Variants in USP19 observed in about 807,000 individuals in gnomAD.
USP19 encodes the protein ubiquitin carboxyl-terminal hydrolase 19.
Under a neutral mutation model 144.8 loss-of-function variants are expected in USP19, and 40 were observed. The ratio of observed to expected loss-of-function variants is 0.28; its 90% CI spans 0.21 to 0.36. The LOEUF is 0.36. USP19 is among the 10% of genes least tolerant of loss of function. USP19 has a pLI of 1.00. For missense variants in USP19, 1,518 were observed against 1,822.5 expected (o/e 0.83, Z 3.04); for synonymous variants, 701 against 709.3 (o/e 0.99, Z 0.19).
Position 49,116,080 on chromosome 3 carries a change from G to A in USP19, c.1438C>T (p.Arg480Cys), listed in dbSNP as rs1264099232. Reference protein sequence around the residue: ...DICLRKRQSQRWGGLEAPAAR... With the variant: ...DICLRKRQSQCWGGLEAPAAR... The stretch of plus-strand genomic sequence containing the variant: ...GCCGGGGCCTCCAGGCCCCCCCAGC[G>A]CTGACTCTGCCTCTTACGAAGGCAG... Residue 480 changes from arginine (R) to cysteine (C), a missense_variant, in exon 10 of 27, where the codon CGC becomes TGC. Transcript: ENST00000417901. This position sits in a 1 kb window ranked among gnomAD's most constrained non-coding sequence, Gnocchi z 5.0. The A allele has an allele frequency of 3.7e-6, 6 of 1,611,592 alleles. No homozygotes were observed. The highest frequency in any genetic ancestry group is 2.2e-5 in the East Asian group (1 of 44,884).
chr3:49,112,102 C>T lies in USP19; in HGVS notation c.2766-54G>A. 6.3e-7 allele frequency: 1 copy of T among 1,598,124 alleles called. No individual in the cohort carries two copies. Among genetic ancestry groups the T allele is most frequent in the Non-Finnish European group, 8.5e-7 (1 of 1,170,874 alleles). On this transcript the variant is annotated intron_variant, in intron 19 of 26. Transcript: ENST00000417901. This position sits in a 1 kb window ranked among gnomAD's most constrained non-coding sequence, Gnocchi z 4.9. ...CCCTTAGCCCCATCTCCTATGACTC[C>T]ATACTGGGGGCTAGTCATAGTCCCT... is the stretch of plus-strand genomic sequence containing the variant.
chr3:49,111,622 A>T lies in USP19; in HGVS notation c.3095T>A (p.Val1032Glu). 2 of 1,609,196 alleles carry T rather than the reference A, an allele frequency of 1.2e-6. No homozygotes were observed. Residue 1032 changes from valine to glutamate, a missense_variant, in exon 21 of 27, where the codon GTG becomes GAG. Physicochemically the swap from Val to Glu is moderately radical, Grantham distance 121 (BLOSUM62 -2). This residue lies in a region of USP19 where 413 missense variants were observed against 515.8 expected (regional missense o/e 0.80). Transcript: ENST00000417901. This position sits in a 1 kb window ranked among gnomAD's most constrained non-coding sequence, Gnocchi z 5.9. Reference protein sequence around the residue: ...MAEGDTGLPRVWAAPDRGPVP... With the variant: ...MAEGDTGLPREWAAPDRGPVP... ...AGGACCCCGGTCAGGGGCTGCCCAC[A>T]CCCGGGGAAGCCCTGTGTCCCCCTC...
Position 49,115,790 on chromosome 3 carries a change from T to C in USP19, c.1626A>G (p.Leu542=). The part of the protein sequence containing the change: ...KSKARSEDTG[L]DSVATRTPME... ...TGGGTGTGCGGGTTGCCACACTGTC[T>C]AGCCCTGTGTCCTCAGATCGTGCCT... The change falls in exon 11 of 27, where the codon CTA becomes CTG. Residue 542 remains leucine (L), a synonymous_variant. Transcript: ENST00000417901. The surrounding 1 kb of genome is among the most constrained non-coding windows in gnomAD (Gnocchi z 6.6). The C allele has an allele frequency of 6.2e-7, 1 of 1,614,126 alleles. No individual in the cohort carries two copies. Among genetic ancestry groups the C allele is most frequent in the Non-Finnish European group, 8.5e-7 (1 of 1,179,964 alleles).
Position 49,114,356 on chromosome 3 carries a change from C to G in USP19, c.2293-72G>C. Reference sequence around the variant, plus strand: ...ATAAGATGCTCATGCTCAGAGAGCCCATTCCGGGGCTTCTGATGGCTCTCA... The same window carrying G: ...ATAAGATGCTCATGCTCAGAGAGCCGATTCCGGGGCTTCTGATGGCTCTCA... On this transcript the variant is annotated intron_variant, in intron 15 of 26. Transcript: ENST00000417901. The surrounding 1 kb of genome is among the most constrained non-coding windows in gnomAD (Gnocchi z 4.5). 6.9e-7 allele frequency: 1 copy of G among 1,455,858 alleles called. No individual in the cohort carries two copies. Among genetic ancestry groups the G allele is most frequent in the Non-Finnish European group, 9.5e-7 (1 of 1,053,868 alleles). The allele number at this position is 1,455,858 out of a possible 1,614,324, so 90.2% of individuals were successfully genotyped here. A position where few individuals can be genotyped will look rare whatever the true frequency, so the allele number is the denominator to read the frequency against.
chr3:49,110,629 G>A lies in USP19; in HGVS notation c.3699-25C>T. 1 of 1,612,616 alleles carries A rather than the reference G, an allele frequency of 6.2e-7. No individual in the cohort carries two copies. Among genetic ancestry groups the A allele is most frequent in the Non-Finnish European group, 8.5e-7 (1 of 1,179,162 alleles). Reference sequence around the variant, plus strand: ...CCTGCAGGTCAGGTCCAGTCAGGGAGGGGTGAGACAGGCAACAGGCGCTCA... The same window carrying A: ...CCTGCAGGTCAGGTCCAGTCAGGGAAGGGTGAGACAGGCAACAGGCGCTCA... On this transcript the variant is annotated intron_variant, in intron 24 of 26. Transcript: ENST00000417901. The surrounding 1 kb of genome is among the most constrained non-coding windows in gnomAD (Gnocchi z 6.1).
In USP19 at chr3:49,110,532, G is replaced by A. The variant is rs2042989952; in HGVS notation, c.3771C>T (p.Val1257=). 3 of 1,614,176 alleles carry A rather than the reference G, an allele frequency of 1.9e-6. No individual in the cohort carries two copies. The highest frequency in any genetic ancestry group is 1.1e-5 in the South Asian group (1 of 91,080). The change falls in exon 25 of 27, where the codon GTC becomes GTT. Residue 1257 remains valine, a synonymous_variant. Coordinates refer to ENST00000417901, the MANE Select transcript of USP19 (RefSeq NM_001199161.2). The surrounding 1 kb of genome is among the most constrained non-coding windows in gnomAD (Gnocchi z 6.1). Reference sequence around the variant, plus strand: ...CAATCATGCCTCCATAGTGGTTGATGACAGCATATAGATCGTAGCTGGGCA... The same window carrying A: ...CAATCATGCCTCCATAGTGGTTGATAACAGCATATAGATCGTAGCTGGGCA... ...EQLPSYDLYA[V]INHYGGMIGG... is the part of the protein sequence containing the mutation.
chr3:49,120,669 C>G (rs1381343907), intron 1 of USP19, 87 bp downstream of exon 1: 2 of 180,918 alleles, frequency 1.1e-5, no homozygotes, highest in African/African-American at 4.8e-5. Context: ...ACTGGCACGG[C>G]CCGTGACCTT....
rs1255005985 is a variant in USP19, at chr3:49,108,569, C to G, written c.4039-41G>C. The G allele has an allele frequency of 1.6e-6, 2 of 1,249,722 alleles. No individual in the cohort carries two copies. The highest frequency in any genetic ancestry group is 3.1e-5 in the African/African-American group (2 of 63,924). The allele number at this position is 1,249,722 out of a possible 1,614,324, so 77.4% of individuals were successfully genotyped here. On this transcript the variant is annotated intron_variant, in intron 26 of 26. Coordinates refer to ENST00000417901, the MANE Select transcript of USP19 (RefSeq NM_001199161.2). The surrounding 1 kb of genome is among the most constrained non-coding windows in gnomAD (Gnocchi z 4.8). ...AGGACAGGGGTTGGGGGCTGCCCAG[C>G]ATGCCGCCTGGCATCCCGGGGGTGC...
chr3:49,113,968 T>G, intron 17 of USP19, 24 bp downstream of exon 17: 1 of 1,612,142 alleles, frequency 6.2e-7, no homozygotes, highest in Non-Finnish European at 8.5e-7. Flanking sequence ...ACACATGTGA[T>G]AGCCCAAGGA....
rs577608663 is a variant in USP19, at chr3:49,110,240, C to G, written c.3982G>C (p.Gly1328Arg). The G allele has an allele frequency of 6.9e-6, 11 of 1,585,150 alleles. No individual in the cohort carries two copies. The highest frequency in any genetic ancestry group is 9.4e-6 in the Non-Finnish European group (11 of 1,164,352). ...NSPVERPPRA[G>R]HSEHHPDLGP... ...AGGTCTGGGTGGTGCTCAGAGTGAC[C>G]TGCCCTGGGGGGCCTCTCCACAGGA... is the stretch of plus-strand genomic sequence containing the variant. The change falls in exon 26 of 27, where the codon GGT (glycine) becomes CGT (arginine). Residue 1328 changes from glycine (G) to arginine (R), a missense_variant. Gly to Arg is a moderately radical substitution (Grantham distance 125). Coordinates refer to ENST00000417901, the MANE Select transcript of USP19 (RefSeq NM_001199161.2). The surrounding 1 kb of genome is among the most constrained non-coding windows in gnomAD (Gnocchi z 6.1).
chr3:49,113,557 C>A (rs1036954563), intron 17 of USP19, among the ~76,000 whole-genome samples: 5 of 151,732 alleles, frequency 3.3e-5, no homozygotes, highest in African/African-American at 9.7e-5. Context: ...GGATTACAGG[C>A]ATGAGCCACC....
Position 49,110,382 on chromosome 3 carries a change from G to C in USP19, c.3860-20C>G. 1 of 1,599,716 alleles carries C rather than the reference G, an allele frequency of 6.3e-7. No homozygotes were observed. Among genetic ancestry groups the C allele is most frequent in the Non-Finnish European group, 8.5e-7 (1 of 1,171,188 alleles). ...GCCAGCCTACAGCAGGGTGGGAAGA[G>C]TGTGAACAAAGTCTGCACCACCACC... On this transcript the variant is annotated intron_variant, in intron 25 of 26. Coordinates refer to ENST00000417901, the MANE Select transcript of USP19 (RefSeq NM_001199161.2). This position sits in a 1 kb window ranked among gnomAD's most constrained non-coding sequence, Gnocchi z 6.1.
At position 49,116,693 on chromosome 3, in the gene USP19, A is replaced by G. The variant is rs761131453; in HGVS notation, c.1126+34T>C. ...ATCCACCTACAAACTTTGCAACCCA[A>G]CCTAGGGCTCTGCCTGCCCACCCCC... On this transcript the variant is annotated intron_variant, in intron 7 of 26. Coordinates refer to ENST00000417901, the MANE Select transcript of USP19 (RefSeq NM_001199161.2). This position sits in a 1 kb window ranked among gnomAD's most constrained non-coding sequence, Gnocchi z 5.0. 4 of 1,607,162 alleles carry G rather than the reference A, an allele frequency of 2.5e-6. No homozygotes were observed. The South Asian group carries it at 3.3e-5, about 13-fold the overall frequency.
chr3:49,117,087 G>A lies in USP19; in HGVS notation c.881C>T (p.Pro294Leu), dbSNP rs2044270979. Reference sequence around the variant, plus strand: ...GGTGGCTGGGTCAGCCACGAAGGGTGGGGCATCACCCCGGGGTCCAGGGTC... The same window carrying A: ...GGTGGCTGGGTCAGCCACGAAGGGTAGGGCATCACCCCGGGGTCCAGGGTC... The part of the protein sequence containing the change: ...RDDPGPRGDA[P>L]PFVADPATQV... The change falls in exon 6 of 27, where the codon CCA becomes CTA. Residue 294 changes from proline (P) to leucine (L), a missense_variant. Coordinates refer to ENST00000417901, the MANE Select transcript of USP19 (RefSeq NM_001199161.2). The surrounding 1 kb of genome is among the most constrained non-coding windows in gnomAD (Gnocchi z 4.4). 2.6e-6 allele frequency: 4 copies of A among 1,520,644 alleles called. No individual in the cohort carries two copies. The highest frequency in any genetic ancestry group is 3.5e-6 in the Non-Finnish European group (4 of 1,130,456). 94.2% of individuals were successfully genotyped at this position (1,520,644 alleles called of 1,614,324 possible).
At position 49,111,441 on chromosome 3, in the gene USP19, C is replaced by T. The variant is rs2043133790; in HGVS notation, c.3217+59G>A. On this transcript the variant is annotated intron_variant, in intron 21 of 26. Transcript: ENST00000417901. The surrounding 1 kb of genome is among the most constrained non-coding windows in gnomAD (Gnocchi z 5.9). Reference sequence around the variant, plus strand: ...AGGCCCACCAGGCCCTAAACAACAGCCCCCTCCATCCTCCCTTATCCTCCT... The same window carrying T: ...AGGCCCACCAGGCCCTAAACAACAGTCCCCTCCATCCTCCCTTATCCTCCT... 1.9e-6 allele frequency: 3 copies of T among 1,612,678 alleles called. No individual in the cohort carries two copies. Among genetic ancestry groups the T allele is most frequent in the East Asian group, 4.5e-5 (2 of 44,878 alleles).
chr3:49,108,407 A>T lies in USP19; in HGVS notation c.*5T>A. The T allele has an allele frequency of 7.4e-7, 1 of 1,342,938 alleles. No individual in the cohort carries two copies. The highest frequency in any genetic ancestry group is 1.5e-5 in the South Asian group (1 of 65,616). The allele number at this position is 1,342,938 out of a possible 1,614,324, so 83.2% of individuals were successfully genotyped here. A position where few individuals can be genotyped will look rare whatever the true frequency, so the allele number is the denominator to read the frequency against. ...ACCCAGTCCCCCCCATCAGCCAGGG[A>T]CCTGCTAATCCACCTCCTCCATGTT... On this transcript the variant is annotated 3_prime_UTR_variant, in exon 27 of 27. Transcript: ENST00000417901. The surrounding 1 kb of genome is among the most constrained non-coding windows in gnomAD (Gnocchi z 4.8).
chr3:49,111,097 T>C lies in USP19; in HGVS notation c.3398A>G (p.Gln1133Arg), dbSNP rs2043079117. Residue 1133 changes from glutamine (Q) to arginine (R), a missense_variant, in exon 23 of 27, where the codon CAG becomes CGG. Physicochemically the swap from Gln to Arg is conservative, Grantham distance 43. Coordinates refer to ENST00000417901, the MANE Select transcript of USP19 (RefSeq NM_001199161.2). This position sits in a 1 kb window ranked among gnomAD's most constrained non-coding sequence, Gnocchi z 5.9. ...CTTGGAGGCTACCAACACAAACTCC[T>C]GCAAGCGCTCATTGTTCCGCCAGAC... ...ALVWRNNERL[Q>R]EFVLVASKEL... 1.2e-5 allele frequency: 19 copies of C among 1,613,948 alleles called. No homozygotes were observed. The highest frequency in any genetic ancestry group is 1.6e-5 in the Non-Finnish European group (19 of 1,180,026).
Position 49,114,366 on chromosome 3 carries a change from C to T in USP19, c.2293-82G>A. On this transcript the variant is annotated intron_variant, in intron 15 of 26. Transcript: ENST00000417901. The surrounding 1 kb of genome is among the most constrained non-coding windows in gnomAD (Gnocchi z 4.5). ...CATGCTCAGAGAGCCCATTCCGGGGCTTCTGATGGCTCTCAGGGCCCCCAC... is the reference window on the plus strand; with the variant it reads ...CATGCTCAGAGAGCCCATTCCGGGGTTTCTGATGGCTCTCAGGGCCCCCAC... The T allele has an allele frequency of 7.3e-7, 1 of 1,367,606 alleles. No homozygotes were observed. Among genetic ancestry groups the T allele is most frequent in the Non-Finnish European group, 1.0e-6 (1 of 980,084 alleles). The allele number at this position is 1,367,606 out of a possible 1,614,324, so 84.7% of individuals were successfully genotyped here.
intron 2 of USP19, among the ~76,000 whole-genome samples, chr3:49,118,582 C>CAA (rs144601806): frequency 2.7e-5 from 3 of 111,546 alleles, no homozygotes; most frequent in African/African-American, 3.4e-5. Context: ...GACATTGTCT[C>CAA]AAAAAAAAAA....
Sources: gnomAD v4.1 joint callset for allele counts (sites outside exome capture counted in the v4.1 genomes callset) on GRCh38, gnomAD v4.1.1 for gene constraint, gnomAD v4.1.1 regional missense constraint, Gnocchi (gnomAD v3.1) non-coding constraint, MANE v1.5 for transcripts, NCBI Gene and HGNC (gene_info 2026-07-23, HGNC 2026-07-21) for gene names.